The following TENM1 variants were observed in gnomAD, a reference collection of about 807,000 sequenced individuals.
TENM1 encodes the protein teneurin transmembrane protein 1, also known as teneurin-1.
In TENM1, 35 loss-of-function variants were observed where a neutral mutation model predicts 174.8. The ratio of observed to expected loss-of-function variants is 0.20; its 90% CI spans 0.15 to 0.27. TENM1 has a LOEUF of 0.27. Ranked by LOEUF, TENM1 falls within the 10% of genes least tolerant of loss-of-function variation. The pLI is 1.00. For synonymous variants in TENM1, 781 were observed against 798.7 expected (o/e 0.98, Z 0.37); for missense variants, 1,633 against 2,130.1 (o/e 0.77, Z 4.59).
chrX:124,624,218 C>T (rs2050585367), intron 11 of TENM1, among the ~76,000 whole-genome samples: 1 of 111,624 alleles, frequency 9.0e-6, no homozygotes, highest in Admixed American at 9.5e-5. Context: ...CACTCTAACA[C>T]TGTATTCTTT....
chrX:125,148,804 T>C, the TENM1 span, among the ~76,000 whole-genome samples: 1 of 111,894 alleles, frequency 8.9e-6, no homozygotes, highest in African/African-American at 3.2e-5. Flanking sequence ...CTGTCTAACA[T>C]AACTAAGAAA....
chrX:124,966,854 A>C (rs1026978410), upstream of TENM1, among the ~76,000 whole-genome samples: 6 of 111,934 alleles, frequency 5.4e-5, no homozygotes, highest in African/African-American at 1.9e-4. Flanking sequence ...TATGATTCAG[A>C]AAAAGCATAG....
At chrX:124,694,956 T>G (rs982727330) in intron 5 of TENM1, among the ~76,000 whole-genome samples, 1 of 112,297 alleles carries the variant, frequency 8.9e-6, no homozygotes, top group Non-Finnish European at 1.9e-5. Flanking sequence ...AACTTCTGAG[T>G]TGACTCTAAT....
At chrX:124,446,783 G>A (rs1183569498) in intron 23 of TENM1, among the ~76,000 whole-genome samples, 1 of 112,570 alleles carries the variant, frequency 8.9e-6, no homozygotes, top group African/African-American at 3.2e-5. Flanking sequence ...CCATTTTCCT[G>A]GCTCCAGAGA....
chrX:124,611,273 T>C (rs1256570558), intron 11 of TENM1, among the ~76,000 whole-genome samples: 1 of 111,576 alleles, frequency 9.0e-6, no homozygotes, highest in Non-Finnish European at 1.9e-5. Flanking sequence ...CACTCAGAAA[T>C]GCTACACATA....
At chrX:125,036,747 C>T in the TENM1 span, among the ~76,000 whole-genome samples, 1 of 111,787 alleles carries the variant, frequency 8.9e-6, no homozygotes, top group Non-Finnish European at 1.9e-5. Flanking sequence ...GCGGTACCAT[C>T]AGGCTTCCAC....
the TENM1 span, among the ~76,000 whole-genome samples, chrX:125,108,804 G>A: frequency 1.8e-5 from 2 of 108,400 alleles, no homozygotes; most frequent in East Asian, 2.9e-4. Flanking sequence ...AGCATTTTAC[G>A]CAGTGCCTAG....
chrX:124,463,113 A>G (rs1020581962), intron 22 of TENM1, among the ~76,000 whole-genome samples: 3 of 111,981 alleles, frequency 2.7e-5, no homozygotes, highest in Non-Finnish European at 5.6e-5. Context: ...TTGTTCTGTC[A>G]ATATAACTTT....
chrX:125,008,840 C>T, the TENM1 span, among the ~76,000 whole-genome samples: 1 of 111,175 alleles, frequency 9.0e-6, no homozygotes, highest in Admixed American at 9.6e-5. Context: ...CCAATGAGAA[C>T]AAAAAGACAA....
the TENM1 span, among the ~76,000 whole-genome samples, chrX:125,075,104 C>T: frequency 2.3e-4 from 26 of 111,700 alleles, no homozygotes; most frequent in African/African-American, 7.5e-4. Flanking sequence ...AAAACACTCC[C>T]TGTGTCCCCT....
Position 124,730,941 on chromosome X carries a change from T to C in TENM1, c.776+6016A>G, listed in dbSNP as rs1296161674. On this transcript the variant is annotated intron_variant, in intron 4 of 31. Coordinates refer to ENST00000422452, the Ensembl canonical transcript of TENM1. ...GCCCTGAGATACTCTAATATGGAGATGAATTAAGAGAGTTGGGAAGTTATT... is the reference window on the plus strand; with the variant it reads ...GCCCTGAGATACTCTAATATGGAGACGAATTAAGAGAGTTGGGAAGTTATT... Among the ~76,000 whole-genome samples the C allele has an allele frequency of 3.6e-5, 4 of 111,489 alleles. 1 individual carries two copies. The highest frequency in any genetic ancestry group is 9.3e-3 in the Middle Eastern group (2 of 215).
At chrX:125,053,721 C>T in the TENM1 span, among the ~76,000 whole-genome samples, 17 of 111,596 alleles carry the variant, frequency 1.5e-4, no homozygotes, top group African/African-American at 5.5e-4. Flanking sequence ...TTTCTTTGTG[C>T]TGAGCGGGGT....
chrX:124,449,147 G>A (rs1012615312), intron 23 of TENM1, among the ~76,000 whole-genome samples: 6 of 111,524 alleles, frequency 5.4e-5, no homozygotes, highest in African/African-American at 2.0e-4. Flanking sequence ...AATCCTGCTG[G>A]CTTCTGCCAT....
intron 20 of TENM1, among the ~76,000 whole-genome samples, chrX:124,488,142 G>C (rs1225973530): frequency 8.9e-6 from 1 of 111,881 alleles, no homozygotes; most frequent in African/African-American, 3.2e-5. Context: ...GGCATTTCAT[G>C]ATGGGACCTG....
At chrX:124,589,095 G>GTT (rs56268014) in intron 11 of TENM1, among the ~76,000 whole-genome samples, 255 of 96,898 alleles carry the variant, frequency 2.6e-3, no homozygotes, top group Middle Eastern at 0.01. Flanking sequence ...TTTCTTGAGG[G>GTT]TTTTTTTTTT....
intron 3 of TENM1, among the ~76,000 whole-genome samples, chrX:124,856,331 A>G (rs1298640625): frequency 9.0e-6 from 1 of 111,152 alleles, no homozygotes; most frequent in Admixed American, 9.6e-5. Context: ...AGGTCCATTT[A>G]AGTTATATAC....
chrX:124,870,694 T>C (rs1268265311), intron 3 of TENM1, among the ~76,000 whole-genome samples: 11 of 109,354 alleles, frequency 1.0e-4, no homozygotes, highest in Non-Finnish European at 1.7e-4. Context: ...TCAGTAACAA[T>C]GCTGCAGAGT....
the TENM1 span, among the ~76,000 whole-genome samples, chrX:125,050,973 T>C: frequency 8.9e-6 from 1 of 112,159 alleles, no homozygotes; most frequent in Admixed American, 9.5e-5. Context: ...CAAAATCTCC[T>C]TAAGCTGATA....
chrX:124,752,908 G>C (rs1464530610), intron 3 of TENM1, among the ~76,000 whole-genome samples: 2 of 110,805 alleles, frequency 1.8e-5, no homozygotes, highest in Non-Finnish European at 3.8e-5. Context: ...TTGTAGTATA[G>C]TTTGAAGTCA....
Sources: allele counts gnomAD v4.1 joint callset (sites outside exome capture counted in the v4.1 genomes callset), GRCh38; gene constraint gnomAD v4.1.1; transcripts MANE v1.5; gene names NCBI Gene and HGNC (gene_info 2026-07-23, HGNC 2026-07-21).